The following NCF2 variants were observed in gnomAD, a reference collection of about 807,000 sequenced individuals.
NCF2 encodes the protein neutrophil cytosol factor 2.
A neutral mutation model predicts 70.9 loss-of-function variants in NCF2; 45 were observed. The ratio of observed to expected loss-of-function variants is 0.63; its 90% CI spans 0.50 to 0.81. NCF2 has a LOEUF of 0.81. Among genes scored for constraint, NCF2 ranks in the 40% least tolerant of loss-of-function variants. The pLI is 0.00. For missense variants in NCF2, 522 were observed against 631.6 expected, an observed-to-expected ratio of 0.83 and a Z score of 1.86; for synonymous variants, 203 against 233.6, an observed-to-expected ratio of 0.87 and a Z score of 1.19.
intron 3 of NCF2, 71 bp from the exon 4 acceptor site, chr1:183,574,692 C>G (rs1009539014): frequency 5.1e-6 from 8 of 1,565,238 alleles, no homozygotes; most frequent in Non-Finnish European, 7.0e-6. Context: ...AAGGCTCACA[C>G]GTATACTCTG....
Position 183,574,571 on chromosome 1 carries a change from T to G in NCF2, c.417A>C (p.Lys139Asn), listed in dbSNP as rs780235098. Reference sequence around the variant, plus strand: ...TGGCCAATGCTAACTGTTCTTCAGCTTTTTTCCATTCCTCCTTCTTGGCAT... The same window carrying G: ...TGGCCAATGCTAACTGTTCTTCAGCGTTTTTCCATTCCTCCTTCTTGGCAT... ...FMYAKKEEWK[K>N]AEEQLALATS... is the part of the protein sequence containing the mutation. Residue 139 changes from lysine (K) to asparagine (N), a missense_variant, in exon 4 of 15, where the codon AAA (lysine) becomes AAC (asparagine). Physicochemically the swap from Lys to Asn is moderately conservative, Grantham distance 94. Transcript: ENST00000367535. 2 of 1,614,184 alleles carry G rather than the reference T, an allele frequency of 1.2e-6. No homozygotes were observed. The highest frequency in any genetic ancestry group is 1.7e-6 in the Non-Finnish European group (2 of 1,180,014).
chr1:183,578,710 G>T (rs1160780295), intron 2 of NCF2, among the ~76,000 whole-genome samples: 1 of 152,202 alleles, frequency 6.6e-6, no homozygotes, highest in Non-Finnish European at 1.5e-5. Flanking sequence ...TTGTGCTGCT[G>T]GATTGGCGTG....
At chr1:183,567,034 G>A in intron 8 of NCF2, 46 bp from the exon 9 acceptor site, 3 of 1,611,964 alleles carry the variant, frequency 1.9e-6, no homozygotes, top group Non-Finnish European at 2.5e-6. Flanking sequence ...ATAAAGATGT[G>A]CTCATCAGTA....
rs1032695165 is a variant in NCF2 at position 183,585,834 on chromosome 1, A to G, written c.257+1061T>C. ...GAATTGAGATTAACTTTCATTTTGA[A>G]TTTATTAATCTTTGTACTAATTATT... On this transcript the variant is annotated intron_variant, in intron 2 of 14. Transcript: ENST00000367535. 3.9e-5 allele frequency among the ~76,000 whole-genome samples: 6 copies of G among 152,310 alleles called. No homozygotes were observed. In the South Asian group the frequency reaches 1.0e-3, roughly 26 times the overall value.
upstream of NCF2, among the ~76,000 whole-genome samples, chr1:183,591,398 T>C (rs1673638014): frequency 6.6e-6 from 1 of 152,212 alleles, no homozygotes; most frequent in South Asian, 2.1e-4. Flanking sequence ...TATGTTAGTG[T>C]TTATCTTGAG....
At chr1:183,579,768 A>C (rs891505616) in intron 2 of NCF2, among the ~76,000 whole-genome samples, 1 of 147,148 alleles carries the variant, frequency 6.8e-6, no homozygotes, top group Non-Finnish European at 1.5e-5. Flanking sequence ...AAAAAAAGAG[A>C]ATAATAACAG....
the NCF2 span, among the ~76,000 whole-genome samples, chr1:183,599,457 T>C: frequency 1.5e-5 from 2 of 133,864 alleles, no homozygotes; most frequent in African/African-American, 5.7e-5. Context: ...TTTCTTTCTT[T>C]CTTTCTTTCT....
intron 3 of NCF2, among the ~76,000 whole-genome samples, 181 bp from the exon 4 acceptor site, chr1:183,574,802 C>T (rs1018226712): frequency 6.6e-6 from 1 of 152,168 alleles, no homozygotes; most frequent in African/African-American, 2.4e-5. Flanking sequence ...CAAACACAAA[C>T]ATGGTGTTAA....
chr1:183,566,768 TG>T, intron 9 of NCF2, 151 bp downstream of exon 9: 1 of 979,690 alleles, frequency 1.0e-6, no homozygotes, highest in Non-Finnish European at 1.6e-6. Flanking sequence ...GGTTCAGCTC[TG>T]GGTAGCTGGT....
chr1:183,590,723 A>C (rs1004814905), upstream of NCF2: 3 of 275,700 alleles, frequency 1.1e-5, no homozygotes, highest in Non-Finnish European at 2.2e-5. Context: ...CTTCTGGCCA[A>C]AGTTCTGCTT....
intron 2 of NCF2, among the ~76,000 whole-genome samples, chr1:183,581,968 A>C (rs1336713173): frequency 6.6e-6 from 1 of 152,156 alleles, no homozygotes; most frequent in Non-Finnish European, 1.5e-5. Flanking sequence ...CGCCTCGCCA[A>C]CTAAGTGTCG....
At chr1:183,568,381 G>C (rs912154108) in intron 7 of NCF2, among the ~76,000 whole-genome samples, 6 of 151,840 alleles carry the variant, frequency 4.0e-5, no homozygotes, top group African/African-American at 1.5e-4. Flanking sequence ...TGGCCCGGCT[G>C]GTCTCGAACT....
intron 2 of NCF2, among the ~76,000 whole-genome samples, chr1:183,579,738 CAAAAAAAAAA>C (rs397982209): frequency 0.23 from 8,915 of 38,828 alleles, 379 homozygotes; most frequent in Middle Eastern, 0.38. Flanking sequence ...GACTCTGTCT[CAAAAAAAAAA>C]AAAAAAAAAA....
chr1:183,592,844 A>C (rs937070305), upstream of NCF2, among the ~76,000 whole-genome samples: 1 of 152,118 alleles, frequency 6.6e-6, no homozygotes, highest in Non-Finnish European at 1.5e-5. Flanking sequence ...AATCCCATAC[A>C]AACTCTGCTG....
chr1:183,599,771 T>C, the NCF2 span, among the ~76,000 whole-genome samples: 1 of 152,058 alleles, frequency 6.6e-6, no homozygotes, highest in Non-Finnish European at 1.5e-5. Flanking sequence ...CAGGCTGGTC[T>C]CAAACTCCTG....
In NCF2 at chr1:183,567,193, C is replaced by A; in HGVS notation, c.855+11G>T. The stretch of plus-strand genomic sequence containing the variant: ...CATGCCCATCGCACCAGCCCCTGAT[C>A]CTCTGCATACCTGCCCGTTGAACAT... On this transcript the variant is annotated intron_variant, in intron 8 of 14. Coordinates refer to ENST00000367535, the MANE Select transcript of NCF2 (RefSeq NM_000433.4). The A allele has an allele frequency of 1.2e-6, 2 of 1,614,144 alleles. No homozygotes were observed. Among genetic ancestry groups the A allele is most frequent in the Non-Finnish European group, 1.7e-6 (2 of 1,180,030 alleles).
At chr1:183,573,905 C>T (rs1328979023) in intron 4 of NCF2, among the ~76,000 whole-genome samples, 4 of 152,192 alleles carry the variant, frequency 2.6e-5, no homozygotes, top group African/African-American at 9.6e-5. Context: ...GCCTGGCCAA[C>T]ATGGCAAAAC....
rs1672608420 is a variant in NCF2 at position 183,572,384 on chromosome 1, A to G, written c.609+801T>C. ...TTTTTAGTAGAGATGGGGTTTCACC[A>G]TGTTGGCCAGCCTGGTCTTGAACTC... On this transcript the variant is annotated intron_variant, in intron 5 of 14. Transcript: ENST00000367535. Among the ~76,000 whole-genome samples the G allele has an allele frequency of 3.3e-5, 5 of 152,104 alleles. No individual in the cohort carries two copies. The South Asian group carries it at 8.3e-4, about 25-fold the overall frequency.
At chr1:183,573,960 T>G (rs1032806152) in intron 4 of NCF2, among the ~76,000 whole-genome samples, 2 of 152,152 alleles carry the variant, frequency 1.3e-5, no homozygotes, top group East Asian at 1.9e-4. Context: ...CATGGTGGCA[T>G]GCACCTGTAA....
Sources: allele counts gnomAD v4.1 joint callset (sites outside exome capture counted in the v4.1 genomes callset), GRCh38; gene constraint gnomAD v4.1.1; transcripts MANE v1.5; gene names NCBI Gene and HGNC (gene_info 2026-07-23, HGNC 2026-07-21).